Variants in AGBL4 observed in about 807,000 individuals in gnomAD.
AGBL4 encodes the protein cytosolic carboxypeptidase 6.
In AGBL4, 58 loss-of-function variants were observed where a neutral mutation model predicts 66.4. The observed-to-expected ratio is 0.87, with a 90% CI of 0.71 to 1.09. AGBL4 has a LOEUF of 1.09. Ranked by LOEUF, AGBL4 falls within the 50% of genes least tolerant of loss-of-function variation. The probability of loss-of-function intolerance (pLI) is 0.00; values close to 1 mark genes in which losing one functional copy is unlikely to be tolerated. For synonymous variants in AGBL4, 234 were observed against 222.9 expected (o/e 1.05, Z -0.44); for missense variants, 579 against 631.0 (o/e 0.92, Z 0.88).
intron 4 of AGBL4, among the ~76,000 whole-genome samples, chr1:49,137,068 A>C (rs1646026378): frequency 6.6e-6 from 1 of 152,184 alleles, no homozygotes; most frequent in Non-Finnish European, 1.5e-5. Context: ...ACAAATACTT[A>C]CTGAGTAACT....
intron 3 of AGBL4, among the ~76,000 whole-genome samples, chr1:49,447,053 C>T (rs951751115): frequency 6.6e-6 from 1 of 152,164 alleles, no homozygotes; most frequent in Non-Finnish European, 1.5e-5. Flanking sequence ...GCCTGTCTAC[C>T]TCAGCCTCCA....
chr1:49,627,294 A>G (rs1645482035), intron 3 of AGBL4, among the ~76,000 whole-genome samples: 1 of 152,124 alleles, frequency 6.6e-6, no homozygotes, highest in Non-Finnish European at 1.5e-5. Flanking sequence ...CTTAAAGAAA[A>G]TATTTTTAAA....
intron 3 of AGBL4, among the ~76,000 whole-genome samples, chr1:49,516,202 G>T (rs557797982): frequency 6.6e-6 from 1 of 151,810 alleles, no homozygotes; most frequent in African/African-American, 2.4e-5. Context: ...TATCTCCAAG[G>T]ATCTCACAAT....
At chr1:48,828,000 AC>A in intron 6 of AGBL4, among the ~76,000 whole-genome samples, 1 of 85,422 alleles carries the variant, frequency 1.2e-5, no homozygotes, top group Non-Finnish European at 2.1e-5. Context: ...AAAAATACAC[AC>A]ACACACACAC....
intron 3 of AGBL4, among the ~76,000 whole-genome samples, chr1:49,673,438 A>G (rs1334640238): frequency 2.6e-5 from 4 of 152,182 alleles, no homozygotes; most frequent in African/African-American, 9.6e-5. Flanking sequence ...TATATTTTAA[A>G]ATAATTTAAA....
intron 1 of AGBL4, among the ~76,000 whole-genome samples, chr1:49,856,797 T>C (rs1021822935): frequency 6.6e-6 from 1 of 152,004 alleles, no homozygotes; most frequent in Non-Finnish European, 1.5e-5. Flanking sequence ...AATCTCAAAG[T>C]ATTTCCTCTA....
At position 48,534,271 on chromosome 1, in the gene AGBL4, T is replaced by C. The variant is rs1227813559; in HGVS notation, c.1414A>G (p.Lys472Glu). Residue 472 changes from lysine (K) to glutamate (E), a missense_variant, in exon 14 of 14, where the codon AAG becomes GAG. Physicochemically the swap from Lys to Glu is moderately conservative, Grantham distance 56 (BLOSUM62 1). Coordinates refer to ENST00000371839, the MANE Select transcript of AGBL4 (RefSeq NM_032785.4). ...GCTGGGCCCCGCAGGAGTGGGTGCTTGTAAGGAGGGGATTTTTCTTTCCTG... is the reference window on the plus strand; with the variant it reads ...GCTGGGCCCCGCAGGAGTGGGTGCTCGTAAGGAGGGGATTTTTCTTTCCTG... Reference protein sequence around the residue: ...QRRKEKSPPYKHPLLRGPASN... With the variant: ...QRRKEKSPPYEHPLLRGPASN... The C allele has an allele frequency of 6.4e-7, 1 of 1,551,040 alleles. No homozygotes were observed. Among genetic ancestry groups the C allele is most frequent in the African/African-American group, 1.4e-5 (1 of 72,912 alleles).
intron 3 of AGBL4, among the ~76,000 whole-genome samples, chr1:49,505,699 T>A (rs982772396): frequency 1.3e-5 from 2 of 152,016 alleles, no homozygotes; most frequent in Admixed American, 6.6e-5. Flanking sequence ...ATTTAATATG[T>A]CTTGATGTAG....
chr1:49,547,251 G>A (rs1392721787), intron 3 of AGBL4, among the ~76,000 whole-genome samples: 1 of 152,126 alleles, frequency 6.6e-6, no homozygotes, highest in Non-Finnish European at 1.5e-5. Context: ...ACTATTTGTT[G>A]AAAAGGCTGT....
intron 1 of AGBL4, among the ~76,000 whole-genome samples, chr1:49,950,691 G>C (rs1167178468): frequency 6.6e-6 from 1 of 151,488 alleles, no homozygotes; most frequent in East Asian, 1.9e-4. Context: ...TCAAAACATT[G>C]AAACTAAAAC....
chr1:48,800,380 C>T (rs959928472), intron 6 of AGBL4, among the ~76,000 whole-genome samples: 1 of 152,140 alleles, frequency 6.6e-6, no homozygotes, highest in African/African-American at 2.4e-5. Context: ...TTATTTGGAT[C>T]ATCTCTGTTC....
At chr1:49,260,785 G>C (rs1653067608) in intron 3 of AGBL4, among the ~76,000 whole-genome samples, 1 of 151,970 alleles carries the variant, frequency 6.6e-6, no homozygotes. Flanking sequence ...AGAAAAAGAG[G>C]GAATCCTCCC....
intron 6 of AGBL4, among the ~76,000 whole-genome samples, chr1:48,699,157 C>G (rs1272496709): frequency 6.6e-6 from 1 of 152,194 alleles, no homozygotes; most frequent in African/African-American, 2.4e-5. Flanking sequence ...TATCCTGTCT[C>G]AGGGGGAGCT....
chr1:49,457,339 T>C (rs1001879639), intron 3 of AGBL4, among the ~76,000 whole-genome samples: 2 of 151,940 alleles, frequency 1.3e-5, no homozygotes, highest in African/African-American at 4.8e-5. Flanking sequence ...GTTGAGCATT[T>C]TTCCATATGC....
chr1:49,303,354 T>C (rs1177290775), intron 3 of AGBL4, among the ~76,000 whole-genome samples: 1 of 152,206 alleles, frequency 6.6e-6, no homozygotes, highest in East Asian at 1.9e-4. Flanking sequence ...CCATTCTGAC[T>C]GGTGTGAGAT....
At chr1:48,721,384 A>G (rs116060619) in intron 6 of AGBL4, among the ~76,000 whole-genome samples, 167 of 152,266 alleles carry the variant, frequency 1.1e-3, no homozygotes, top group African/African-American at 3.9e-3. Context: ...AATGCTGAGG[A>G]AATCAATGGC....
At chr1:48,899,551 CAT>C (rs1328972696) in intron 5 of AGBL4, among the ~76,000 whole-genome samples, 7 of 152,196 alleles carry the variant, frequency 4.6e-5, no homozygotes, top group African/African-American at 1.7e-4. Context: ...TACCAGGCTC[CAT>C]ATGAGGTAGC....
chr1:49,116,962 T>C (rs2148033833), intron 4 of AGBL4, among the ~76,000 whole-genome samples: 1 of 152,340 alleles, frequency 6.6e-6, no homozygotes, highest in East Asian at 1.9e-4. Context: ...TGCATTTCTC[T>C]GATGACCAGT....
intron 3 of AGBL4, among the ~76,000 whole-genome samples, chr1:49,601,860 A>G (rs939540281): frequency 6.6e-6 from 1 of 152,222 alleles, no homozygotes; most frequent in Non-Finnish European, 1.5e-5. Context: ...AATGGGATCA[A>G]TTAAACTAAA....
Sources: gnomAD v4.1 joint callset for allele counts (sites outside exome capture counted in the v4.1 genomes callset) on GRCh38, gnomAD v4.1.1 for gene constraint, MANE v1.5 for transcripts, NCBI Gene and HGNC (gene_info 2026-07-23, HGNC 2026-07-21) for gene names.